Variants in MGAT4C observed in about 807,000 individuals in gnomAD.
The protein encoded by MGAT4C is alpha-1,3-mannosyl-glycoprotein 4-beta-N-acetylglucosaminyltransferase C.
In MGAT4C, 19 loss-of-function variants were observed where a neutral mutation model predicts 40.1. That is an observed-to-expected ratio of 0.47 (90% CI 0.33 to 0.70). The LOEUF is 0.70. Ranked by LOEUF, MGAT4C falls within the 30% of genes least tolerant of loss-of-function variation. The pLI is 0.02. For synonymous variants in MGAT4C, 181 were observed against 187.1 expected, an observed-to-expected ratio of 0.97 and a Z score of 0.27; for missense variants, 491 against 563.2, an observed-to-expected ratio of 0.87 and a Z score of 1.30.
intron 2 of MGAT4C, among the ~76,000 whole-genome samples, chr12:86,454,707 A>C (rs1310233061): frequency 6.6e-6 from 1 of 152,146 alleles, no homozygotes; most frequent in Admixed American, 6.6e-5. Flanking sequence ...CTGGAGTAGT[A>C]AGCAAAGAGC....
chr12:86,561,848 C>A (rs1959877681), intron 2 of MGAT4C, among the ~76,000 whole-genome samples: 1 of 152,256 alleles, frequency 6.6e-6, no homozygotes, highest in East Asian at 1.9e-4. Context: ...ATATGGATTT[C>A]TTTAGTTGCT....
chr12:85,971,330 C>G lies in MGAT4C; in HGVS notation c.*7959G>C, dbSNP rs1883613807. On this transcript the variant is annotated 3_prime_UTR_variant, in exon 5 of 5. Coordinates refer to ENST00000611864, the MANE Select transcript of MGAT4C (RefSeq NM_001351288.2). ...TTTATCTACATTACCTTGGTTTGGA[C>G]AACTGAAAAATTTGCTAGGAAACAA... is the stretch of plus-strand genomic sequence containing the variant. The G allele has an allele frequency of 6.6e-6, 1 of 151,040 alleles. No individual in the cohort carries two copies. The highest frequency in any genetic ancestry group is 6.6e-5 in the Admixed American group (1 of 15,112). 9.4% of individuals were successfully genotyped at this position (151,040 alleles called of 1,614,324 possible). A position where few individuals can be genotyped will look rare whatever the true frequency, so the allele number is the denominator to read the frequency against.
At chr12:86,466,284 A>T (rs1326239017) in intron 2 of MGAT4C, among the ~76,000 whole-genome samples, 1 of 152,196 alleles carries the variant, frequency 6.6e-6, no homozygotes. Flanking sequence ...ATTTGAAAAC[A>T]ACTAAGATGA....
intron 3 of MGAT4C, among the ~76,000 whole-genome samples, chr12:86,395,736 T>A (rs1956249112): frequency 6.6e-6 from 1 of 152,152 alleles, no homozygotes; most frequent in African/African-American, 2.4e-5. Context: ...TTGAAATCTA[T>A]AACACAGCTT....
intron 2 of MGAT4C, among the ~76,000 whole-genome samples, chr12:86,439,500 C>T (rs868235248): frequency 1.3e-4 from 20 of 152,046 alleles, no homozygotes; most frequent in African/African-American, 4.6e-4. Context: ...AAGTCTATAG[C>T]ACTAAATACC....
intron 1 of MGAT4C, among the ~76,000 whole-genome samples, chr12:86,227,904 A>T (rs1034213383): frequency 1.3e-5 from 2 of 151,864 alleles, no homozygotes; most frequent in African/African-American, 4.8e-5. Flanking sequence ...TTCTTTCCCC[A>T]TTTTAATATC....
intron 1 of MGAT4C, among the ~76,000 whole-genome samples, chr12:86,749,715 G>T (rs1341382505): frequency 1.3e-5 from 2 of 151,866 alleles, no homozygotes; most frequent in East Asian, 1.9e-4. Context: ...AGATTGTGCA[G>T]TGTGAAAATA....
At chr12:86,663,542 T>A (rs996992779) in intron 2 of MGAT4C, among the ~76,000 whole-genome samples, 4 of 152,048 alleles carry the variant, frequency 2.6e-5, no homozygotes, top group Non-Finnish European at 4.4e-5. Flanking sequence ...TTTTAAGTGT[T>A]ATTGATTTTT....
At position 86,483,848 on chromosome 12, in the gene MGAT4C, A is replaced by G. The variant is rs367893989; in HGVS notation, c.-228-48583T>C. 2.9e-3 allele frequency among the ~76,000 whole-genome samples: 431 copies of G among 146,854 alleles called. 1 individual carries two copies. Among genetic ancestry groups the G allele is most frequent in the Middle Eastern group, 6.8e-3 (2 of 294 alleles). On this transcript the variant is annotated intron_variant, in intron 2 of 7. Coordinates refer to the MGAT4C transcript ENST00000548651. The stretch of plus-strand genomic sequence containing the variant: ...TAAGACAAGATGGCCTACTAGATGC[A>G]GCCAGGAAGTGCCACTTGCACAGAG...
At chr12:86,303,800 TC>T (rs1262545820) in intron 4 of MGAT4C, among the ~76,000 whole-genome samples, 1 of 150,588 alleles carries the variant, frequency 6.6e-6, no homozygotes, top group Non-Finnish European at 1.5e-5. Context: ...ATATTAGTTT[TC>T]AATGGATTAA....
At chr12:86,305,900 G>A (rs929550475) in intron 4 of MGAT4C, among the ~76,000 whole-genome samples, 1 of 150,330 alleles carries the variant, frequency 6.7e-6, no homozygotes, top group Non-Finnish European at 1.5e-5. Context: ...ATGGAGGGGT[G>A]ACTGCACTTA....
At chr12:86,551,769 C>A (rs1485186660) in intron 2 of MGAT4C, among the ~76,000 whole-genome samples, 1 of 152,132 alleles carries the variant, frequency 6.6e-6, no homozygotes, top group Non-Finnish European at 1.5e-5. Flanking sequence ...CAAAGCTGCA[C>A]CACCACTGCC....
intron 2 of MGAT4C, among the ~76,000 whole-genome samples, chr12:86,601,773 G>A (rs1012251721): frequency 1.3e-5 from 2 of 152,076 alleles, no homozygotes; most frequent in African/African-American, 4.8e-5. Flanking sequence ...CGGGGCAGAG[G>A]GACTGAAAGA....
At chr12:86,063,545 G>A (rs1894206311) in intron 1 of MGAT4C, among the ~76,000 whole-genome samples, 1 of 152,092 alleles carries the variant, frequency 6.6e-6, no homozygotes, top group Non-Finnish European at 1.5e-5. Context: ...AAATGTAAAT[G>A]GGCTAAATAC....
chr12:86,426,246 T>C (rs928114981), intron 3 of MGAT4C, among the ~76,000 whole-genome samples: 4 of 152,188 alleles, frequency 2.6e-5, no homozygotes, highest in Admixed American at 2.6e-4. Flanking sequence ...TACTGGTGTG[T>C]ATTTTTAGCT....
chr12:86,570,790 T>C (rs1960331511), intron 2 of MGAT4C, among the ~76,000 whole-genome samples: 1 of 152,106 alleles, frequency 6.6e-6, no homozygotes, highest in South Asian at 2.1e-4. Context: ...TACCCCCATG[T>C]TATTTACTTA....
At chr12:86,802,454 A>C (rs553480239) in intron 1 of MGAT4C, among the ~76,000 whole-genome samples, 2 of 152,130 alleles carry the variant, frequency 1.3e-5, no homozygotes, top group South Asian at 2.1e-4. Context: ...TCATTCATTA[A>C]TTTATTCACT....
At chr12:86,344,013 T>G (rs1954961778) in intron 3 of MGAT4C, among the ~76,000 whole-genome samples, 1 of 152,170 alleles carries the variant, frequency 6.6e-6, no homozygotes, top group Non-Finnish European at 1.5e-5. Context: ...ATTCTACCTT[T>G]GTTTAACTTT....
chr12:86,241,130 C>T (rs2465149), intron 1 of MGAT4C, among the ~76,000 whole-genome samples: 101,192 of 151,968 alleles, frequency 0.67, 34,800 homozygotes, highest in East Asian at 0.95. Context: ...TACATAATAT[C>T]CATCTGTCCC....
Sources: gnomAD v4.1 joint callset for allele counts (sites outside exome capture counted in the v4.1 genomes callset) on GRCh38, gnomAD v4.1.1 for gene constraint, MANE v1.5 for transcripts, NCBI Gene and HGNC (gene_info 2026-07-23, HGNC 2026-07-21) for gene names.